CRYBG2: variants seen among roughly 807,000 people sequenced by gnomAD.
The protein encoded by CRYBG2 is crystallin beta-gamma domain containing 2, also known as beta/gamma crystallin domain-containing protein 2.
In CRYBG2, 106 loss-of-function variants were observed where a neutral mutation model predicts 153.4. The ratio of observed to expected loss-of-function variants is 0.69; its 90% CI spans 0.59 to 0.81. The LOEUF is 0.81. CRYBG2 is among the 30% of genes least tolerant of loss of function. The pLI is 0.00. For missense variants in CRYBG2, 1,996 were observed against 2,112.0 expected (o/e 0.95, Z 1.08); for synonymous variants, 851 against 877.8 (o/e 0.97, Z 0.54).
chr1:26,322,588 G>A (rs1033042749), intron 18 of CRYBG2, among the ~76,000 whole-genome samples: 1 of 152,184 alleles, frequency 6.6e-6, no homozygotes, highest in Non-Finnish European at 1.5e-5. Context: ...GGCTTCCAAA[G>A]CATAGGCTTT....
chr1:26,339,750 A>G (rs1303754664), intron 5 of CRYBG2, among the ~76,000 whole-genome samples: 1 of 152,010 alleles, frequency 6.6e-6, no homozygotes, highest in Non-Finnish European at 1.5e-5. Flanking sequence ...ACAAAAAAAA[A>G]AAAGAAAGAA....
chr1:26,336,171 G>T lies in CRYBG2; in HGVS notation c.4108C>A (p.His1370Asn). 2 of 1,549,970 alleles carry T rather than the reference G, an allele frequency of 1.3e-6. No individual in the cohort carries two copies. The highest frequency in any genetic ancestry group is 1.7e-6 in the Non-Finnish European group (2 of 1,144,526). The change falls in exon 14 of 20, where the codon CAC (histidine) becomes AAC (asparagine). Residue 1370 changes from histidine to asparagine, a missense_variant. By Grantham distance (68) the His-to-Asn change is moderately conservative. Coordinates refer to ENST00000308182, the MANE Select transcript of CRYBG2 (RefSeq NM_001039775.4). The surrounding 1 kb of genome is among the most constrained non-coding windows in gnomAD (Gnocchi z 4.9). ...LFSRPDFLGD[H>N]FSFEDDQAAL... ...GCCTGGTCATCTTCGAAAGAGAAGT[G>T]GTCGCCCAGAAAGTCGGGGCGGGAG...
chr1:26,346,113 G>A lies in CRYBG2; in HGVS notation c.545C>T (p.Thr182Ile). The change falls in exon 2 of 20, where the codon ACA becomes ATA. Residue 182 changes from threonine (T) to isoleucine (I), a missense_variant. Transcript: ENST00000308182. This position sits in a 1 kb window ranked among gnomAD's most constrained non-coding sequence, Gnocchi z 4.9. ...YRVTRTVRTT[T>I]VVGGHVDRRM... Reference sequence around the variant, plus strand: ...CCGGTCCACATGACCTCCCACCACTGTGGTGGTCCGCACAGTGCGTGTCAC... The same window carrying A: ...CCGGTCCACATGACCTCCCACCACTATGGTGGTCCGCACAGTGCGTGTCAC... The A allele has an allele frequency of 6.4e-7, 1 of 1,569,394 alleles. No homozygotes were observed.
intron 18 of CRYBG2, 93 bp downstream of exon 18, chr1:26,324,059 C>T: frequency 7.3e-7 from 1 of 1,373,666 alleles, no homozygotes; most frequent in Admixed American, 1.9e-5. Context: ...CTGTGTGCAT[C>T]CCTCTGTGTT....
rs543892337 is a variant in CRYBG2 at position 26,322,161 on chromosome 1, T to C, written c.4897+3A>G. The C allele has an allele frequency of 2.1e-5, 34 of 1,613,162 alleles. No homozygotes were observed. The South Asian group carries it at 3.5e-4, about 17-fold the overall frequency. On this transcript the variant is annotated splice_donor_region_variant and intron_variant, in intron 19 of 19. Coordinates refer to ENST00000308182, the MANE Select transcript of CRYBG2 (RefSeq NM_001039775.4). The stretch of plus-strand genomic sequence containing the variant: ...GCCCTCTTCCCCATACATCCCACCT[T>C]ACCCTTCACGTCCAGGATCTGGCCT...
chr1:26,345,926 A>C lies in CRYBG2; in HGVS notation c.732T>G (p.Ala244=). 1.3e-5 allele frequency: 21 copies of C among 1,596,578 alleles called. No individual in the cohort carries two copies. Among genetic ancestry groups the C allele is most frequent in the South Asian group, 5.5e-5 (5 of 91,008 alleles). The part of the protein sequence containing the change: ...AVKVLSNLVP[A]GHSPPASHLP... ...GGTGACTGGCAGGGGGGCTGTGCCC[A>C]GCAGGCACGAGGTTACTTAGCACTT... Residue 244 remains alanine (A), a synonymous_variant, in exon 2 of 20, where the codon GCT becomes GCG. Coordinates refer to ENST00000308182, the MANE Select transcript of CRYBG2 (RefSeq NM_001039775.4).
chr1:26,336,507 G>A lies in CRYBG2; in HGVS notation c.4038+99C>T. The A allele has an allele frequency of 1.3e-6, 2 of 1,545,254 alleles. No homozygotes were observed. Among genetic ancestry groups the A allele is most frequent in the South Asian group, 1.2e-5 (1 of 83,670 alleles). On this transcript the variant is annotated intron_variant, in intron 12 of 19. Transcript: ENST00000308182. This position sits in a 1 kb window ranked among gnomAD's most constrained non-coding sequence, Gnocchi z 4.9. ...CTAAGGCCCCGCCCCAAGCGCCCAG[G>A]CAGGTCCTCCAGCCCGCTACCTCTG... is the stretch of plus-strand genomic sequence containing the variant.
intron 17 of CRYBG2, chr1:26,326,967 T>C: frequency 2.0e-6 from 1 of 500,486 alleles, no homozygotes. Context: ...TCAAGCCTGC[T>C]TTCCTTATGC....
In CRYBG2 at chr1:26,337,367, G is replaced by A. The variant is rs143279031; in HGVS notation, c.3657C>T (p.Tyr1219=). 7.4e-5 allele frequency: 119 copies of A among 1,613,532 alleles called. No individual in the cohort carries two copies. The highest frequency in any genetic ancestry group is 2.5e-4 in the African/African-American group (19 of 74,966). Reference sequence around the variant, plus strand: ...GGTGGCCCCGGAAGCCCTCCTTCTCGTAGCCCACCCAGCTGGGAAAAGCAG... The same window carrying A: ...GGTGGCCCCGGAAGCCCTCCTTCTCATAGCCCACCCAGCTGGGAAAAGCAG... ...LRVLGGCWVG[Y]EKEGFRGHQY... is the part of the protein sequence containing the mutation. Residue 1219 remains tyrosine (Y), a synonymous_variant, in exon 10 of 20, where the codon TAC becomes TAT. Transcript: ENST00000308182.
At position 26,345,697 on chromosome 1, in the gene CRYBG2, G is replaced by A. The variant is rs2074206724; in HGVS notation, c.961C>T (p.Pro321Ser). The A allele has an allele frequency of 6.3e-7, 1 of 1,598,056 alleles. No homozygotes were observed. The highest frequency in any genetic ancestry group is 1.3e-5 in the African/African-American group (1 of 74,904). ...ACPDRDQGRA[P>S]DARACELWQV... ...CAGAGCTCACAGGCCCTGGCATCCG[G>A]GGCTCTGCCCTGGTCTCTGTCCGGA... Residue 321 changes from proline to serine, a missense_variant, in exon 2 of 20, where the codon CCG (proline) becomes TCG (serine). Physicochemically the swap from Pro to Ser is moderately conservative, Grantham distance 74 (BLOSUM62 -1). Coordinates refer to ENST00000308182, the MANE Select transcript of CRYBG2 (RefSeq NM_001039775.4).
At position 26,343,897 on chromosome 1, in the gene CRYBG2, A is replaced by T; in HGVS notation, c.2761T>A (p.Ser921Thr). ...GSLVPTAKEASTPEPLGTKLS... is the reference protein window; with the variant it reads ...GSLVPTAKEATTPEPLGTKLS... ...TTTGTGCCCAGCGGTTCCGGGGTGGAGGCCTCCTTGGCGGTAGGCACCAGA... is the reference window on the plus strand; with the variant it reads ...TTTGTGCCCAGCGGTTCCGGGGTGGTGGCCTCCTTGGCGGTAGGCACCAGA... Residue 921 changes from serine (S) to threonine (T), a missense_variant, in exon 2 of 20, where the codon TCC becomes ACC. Transcript: ENST00000308182. The surrounding 1 kb of genome is among the most constrained non-coding windows in gnomAD (Gnocchi z 4.1). The T allele has an allele frequency of 6.5e-7, 1 of 1,529,052 alleles. No individual in the cohort carries two copies. Among genetic ancestry groups the T allele is most frequent in the South Asian group, 1.2e-5 (1 of 81,196 alleles). 94.7% of individuals were successfully genotyped at this position (1,529,052 alleles called of 1,614,324 possible).
In CRYBG2 at chr1:26,346,371, A is replaced by G. The variant is rs764558244; in HGVS notation, c.287T>C (p.Ile96Thr). The change falls in exon 2 of 20, where the codon ATC becomes ACC. Residue 96 changes from isoleucine (I) to threonine (T), a missense_variant. By Grantham distance (89) the Ile-to-Thr change is moderately conservative (BLOSUM62 -1). Transcript: ENST00000308182. This position sits in a 1 kb window ranked among gnomAD's most constrained non-coding sequence, Gnocchi z 4.9. Reference sequence around the variant, plus strand: ...AGGTGGTATGTACTTCTTGGAAAAGATGGGTCCATGGCTCTGGAAGTTCTT... The same window carrying G: ...AGGTGGTATGTACTTCTTGGAAAAGGTGGGTCCATGGCTCTGGAAGTTCTT... Reference protein sequence around the residue: ...GSKNFQSHGPIFSKKYIPPPK... With the variant: ...GSKNFQSHGPTFSKKYIPPPK... 2 of 1,599,390 alleles carry G rather than the reference A, an allele frequency of 1.3e-6. No individual in the cohort carries two copies. The highest frequency in any genetic ancestry group is 1.7e-6 in the Non-Finnish European group (2 of 1,179,726).
rs1465828880 is a variant in CRYBG2, at chr1:26,322,158, C to A, written c.4897+6G>T. 1 of 1,612,970 alleles carries A rather than the reference C, an allele frequency of 6.2e-7. No homozygotes were observed. The highest frequency in any genetic ancestry group is 1.3e-5 in the African/African-American group (1 of 75,038). On this transcript the variant is annotated splice_donor_region_variant and intron_variant, in intron 19 of 19. Coordinates refer to ENST00000308182, the MANE Select transcript of CRYBG2 (RefSeq NM_001039775.4). ...GGAGCCCTCTTCCCCATACATCCCA[C>A]CTTACCCTTCACGTCCAGGATCTGG...
Position 26,322,170 on chromosome 1 carries a change from C to A in CRYBG2, c.4891G>T (p.Val1631Leu). The change falls in exon 19 of 20, where the codon GTG becomes TTG. Residue 1631 changes from valine to leucine, a missense_variant. By Grantham distance (32) the Val-to-Leu change is conservative. Coordinates refer to ENST00000308182, the MANE Select transcript of CRYBG2 (RefSeq NM_001039775.4). Reference sequence around the variant, plus strand: ...CCCATACATCCCACCTTACCCTTCACGTCCAGGATCTGGCCTTCGAACATC... The same window carrying A: ...CCCATACATCCCACCTTACCCTTCAAGTCCAGGATCTGGCCTTCGAACATC... The part of the protein sequence containing the change: ...SQMFEGQILD[V>L]KGGRGYDRDH... 2 of 1,613,528 alleles carry A rather than the reference C, an allele frequency of 1.2e-6. No individual in the cohort carries two copies. The highest frequency in any genetic ancestry group is 1.7e-6 in the Non-Finnish European group (2 of 1,179,488).
intron 18 of CRYBG2, 113 bp from the exon 19 acceptor site, chr1:26,322,436 G>T: frequency 2.4e-6 from 3 of 1,252,474 alleles, no homozygotes; most frequent in Non-Finnish European, 2.1e-6. Context: ...CTGTGGCCCT[G>T]GGCAAGTCTC....
intron 1 of CRYBG2, among the ~76,000 whole-genome samples, chr1:26,352,402 G>A (rs2074296364): frequency 6.6e-6 from 1 of 152,048 alleles, no homozygotes; most frequent in South Asian, 2.1e-4. Context: ...ACACACACGT[G>A]CACACATTCA....
Position 26,336,693 on chromosome 1 carries a change from CTG to C in CRYBG2, c.3949_3950del (p.Gln1317ValfsTer10), listed in dbSNP as rs1557709558. 6.4e-7 allele frequency: 1 copy of C among 1,570,858 alleles called. No individual in the cohort carries two copies. The highest frequency in any genetic ancestry group is 1.9e-5 in the Admixed American group (1 of 53,868). ...GATACACGCCCTTCTCCAGCACGTA[CTG>C]TTCCCCGGAGAAGCCCACCTCCTGG... ...AYQEVGFSGE[Q>X]YVLEKGVYRN... On this transcript the variant is annotated frameshift_variant, in exon 12 of 20. Transcript: ENST00000308182. LOFTEE classifies it high-confidence loss of function. The surrounding 1 kb of genome is among the most constrained non-coding windows in gnomAD (Gnocchi z 4.9).
Position 26,325,894 on chromosome 1 carries a change from C to T in CRYBG2, c.4579-1584G>A, listed in dbSNP as rs1226725908. On this transcript the variant is annotated intron_variant, in intron 17 of 19. Coordinates refer to ENST00000308182, the MANE Select transcript of CRYBG2 (RefSeq NM_001039775.4). This position sits in a 1 kb window ranked among gnomAD's most constrained non-coding sequence, Gnocchi z 4.1. ...GTGGTCCATGAGATCACTTTCAGTC[C>T]TATGTGGCTAAACTATTTTTTTTTT... Among the ~76,000 whole-genome samples the T allele has an allele frequency of 6.6e-6, 1 of 152,114 alleles. No individual in the cohort carries two copies. The highest frequency in any genetic ancestry group is 1.5e-5 in the Non-Finnish European group (1 of 68,036).
At chr1:26,337,765 A>AC (rs1162641012) in intron 8 of CRYBG2, 91 bp from the exon 9 acceptor site, 14 of 1,518,196 alleles carry the variant, frequency 9.2e-6, no homozygotes, top group Non-Finnish European at 1.2e-5. Context: ...CCAATGTGGC[A>AC]CCCCCCAGCC....
Sources: allele counts gnomAD v4.1 joint callset (sites outside exome capture counted in the v4.1 genomes callset), GRCh38; gene constraint gnomAD v4.1.1; non-coding constraint Gnocchi (gnomAD v3.1); transcripts MANE v1.5; gene names NCBI Gene and HGNC (gene_info 2026-07-23, HGNC 2026-07-21).